Variants in SVIL observed in about 807,000 individuals in gnomAD.
The protein encoded by SVIL is archvillin.
In SVIL, 101 loss-of-function variants were observed where a neutral mutation model predicts 240.4. The observed-to-expected ratio is 0.42, with a 90% confidence interval of 0.36 to 0.50. SVIL has a LOEUF of 0.50. SVIL is among the 20% of genes least tolerant of loss of function. The pLI is 0.01. For missense variants in SVIL, 2,512 were observed against 2,818.7 expected, an observed-to-expected ratio of 0.89 and a Z score of 2.46; for synonymous variants, 999 against 1,100.0, an observed-to-expected ratio of 0.91 and a Z score of 1.82.
At chr10:29,565,560 A>G (rs1954901654) in intron 2 of SVIL, among the ~76,000 whole-genome samples, 1 of 152,070 alleles carries the variant, frequency 6.6e-6, no homozygotes, top group Admixed American at 6.6e-5. Flanking sequence ...TTGACTGGTC[A>G]TGTCCTCAGG....
intron 26 of SVIL, among the ~76,000 whole-genome samples, chr10:29,485,708 C>T (rs1400229173): frequency 6.6e-6 from 1 of 152,176 alleles, no homozygotes; most frequent in Non-Finnish European, 1.5e-5. Context: ...AAAAACAGCA[C>T]ATTAATTGGG....
intron 1 of SVIL, among the ~76,000 whole-genome samples, chr10:29,619,882 A>T (rs1156919141): frequency 6.6e-6 from 1 of 152,186 alleles, no homozygotes. Context: ...CATTTTTTTT[A>T]AATGTGGATT....
At position 29,554,945 on chromosome 10, in the gene SVIL, C is replaced by T. The variant is rs183062149; in HGVS notation, c.9-11G>A. The T allele has an allele frequency of 9.5e-5, 153 of 1,610,616 alleles. 2 individuals carry two copies. The East Asian group carries it at 3.3e-3, about 35-fold the overall frequency. On this transcript the variant is annotated splice_polypyrimidine_tract_variant and intron_variant, in intron 4 of 37. Transcript: ENST00000355867. ...GCAATTCTTTCTTTTCTGTGAAATA[C>T]ACCACAAGAGGCAGAGTGAGCAACA...
chr10:29,500,541 G>T lies in SVIL; in HGVS notation c.3517-1278C>A, dbSNP rs1023813286. ...CTTGAACCCGAGGAAGGCTGCTGCT[G>T]CTAGCGCATCCGCTTTCAAACTACA... On this transcript the variant is annotated intron_variant, in intron 17 of 37. Coordinates refer to ENST00000355867, the MANE Select transcript of SVIL (RefSeq NM_021738.3). Among the ~76,000 whole-genome samples, 74 of 152,168 alleles carry T rather than the reference G, an allele frequency of 4.9e-4. 2 individuals are homozygous for T. Among genetic ancestry groups the T allele is most frequent in the Non-Finnish European group, 1.5e-5 (1 of 68,030 alleles).
At chr10:29,723,883 CAA>C (rs1964130116) in intron 1 of SVIL, among the ~76,000 whole-genome samples, 1 of 152,006 alleles carries the variant, frequency 6.6e-6, no homozygotes, top group Non-Finnish European at 1.5e-5. Flanking sequence ...GGCAACCAAA[CAA>C]GATAAAAAGT....
chr10:29,519,070 C>T (rs570427093), intron 16 of SVIL, among the ~76,000 whole-genome samples: 1 of 152,148 alleles, frequency 6.6e-6, no homozygotes, highest in African/African-American at 2.4e-5. Flanking sequence ...CTGCAAATTC[C>T]AGACTCTATT....
chr10:29,473,440 C>T, intron 30 of SVIL: 1 of 220,150 alleles, frequency 4.5e-6, no homozygotes, highest in Non-Finnish European at 8.9e-6. Flanking sequence ...CATCCTCATC[C>T]TACCGAGGCC....
intron 3 of SVIL, among the ~76,000 whole-genome samples, chr10:29,646,557 G>A (rs1958664875): frequency 6.6e-6 from 1 of 152,206 alleles, no homozygotes; most frequent in Non-Finnish European, 1.5e-5. Context: ...AAGTGGGCAA[G>A]TTCAGTCCTT....
At chr10:29,556,673 T>G (rs188830670) in intron 3 of SVIL, among the ~76,000 whole-genome samples, 550 of 152,260 alleles carry the variant, frequency 3.6e-3, no homozygotes, top group African/African-American at 0.012. Flanking sequence ...GAGAAGTCCT[T>G]GTTCTAATCA....
At chr10:29,491,988 T>C (rs1434441925) in intron 21 of SVIL, among the ~76,000 whole-genome samples, 1 of 152,222 alleles carries the variant, frequency 6.6e-6, no homozygotes. Context: ...AAAGAATTTA[T>C]CAGGAGCAGC....
rs1482855220 is a variant in SVIL at position 29,571,172 on chromosome 10, C to T, written c.-200-1860G>A. On this transcript the variant is annotated intron_variant, in intron 1 of 37. Coordinates refer to ENST00000355867, the MANE Select transcript of SVIL (RefSeq NM_021738.3). ...CGACCAGGCACTTGTATCTTTGTGC[C>T]TATGGTACAGGAGAAGCAAGAGGCC... is the stretch of plus-strand genomic sequence containing the variant. Among the ~76,000 whole-genome samples, 6 of 152,150 alleles carry T rather than the reference C, an allele frequency of 3.9e-5. No individual in the cohort carries two copies. The East Asian group carries it at 1.2e-3, about 29-fold the overall frequency.
chr10:29,480,458 G>T, intron 29 of SVIL, 79 bp downstream of exon 29: 2 of 1,558,512 alleles, frequency 1.3e-6, no homozygotes, highest in Non-Finnish European at 1.7e-6. Context: ...GCATGACAGG[G>T]TTCATTGGAG....
chr10:29,679,012 C>T (rs1960418028), intron 2 of SVIL, among the ~76,000 whole-genome samples: 1 of 152,160 alleles, frequency 6.6e-6, no homozygotes. Context: ...TCGAGACCAG[C>T]CTGGCCAATA....
chr10:29,480,523 A>G lies in SVIL; in HGVS notation c.5377+14T>C. 3 of 1,609,124 alleles carry G rather than the reference A, an allele frequency of 1.9e-6. No individual in the cohort carries two copies. Among genetic ancestry groups the G allele is most frequent in the Non-Finnish European group, 1.7e-6 (2 of 1,177,220 alleles). On this transcript the variant is annotated intron_variant, in intron 29 of 37. Transcript: ENST00000355867. ...GCCTCTTTCAGCTGGAAAAAACCAC[A>G]AGCGCTCACTAACCTGCCGTGCTCA... is the stretch of plus-strand genomic sequence containing the variant.
upstream of SVIL, among the ~76,000 whole-genome samples, chr10:29,635,432 C>G (rs1378072139): frequency 6.6e-6 from 1 of 152,186 alleles, no homozygotes; most frequent in Non-Finnish European, 1.5e-5. Flanking sequence ...TTTCTTCCCA[C>G]TTCCAATAAC....
chr10:29,570,816 T>C (rs747935375), intron 1 of SVIL, among the ~76,000 whole-genome samples: 19 of 152,252 alleles, frequency 1.2e-4, no homozygotes, highest in Non-Finnish European at 2.2e-4. Context: ...TAAGCTCATT[T>C]ATAAACTCAA....
rs186197149 is a variant in SVIL at position 29,499,817 on chromosome 10, C to T, written c.3517-554G>A. On this transcript the variant is annotated intron_variant, in intron 17 of 37. Transcript: ENST00000355867. ...CCTGCAGCCACTGATGTTCTGCGGG[C>T]AGGTAGACAACCAGGAGAGCCCACA... Among the ~76,000 whole-genome samples the T allele has an allele frequency of 3.0e-3, 458 of 152,328 alleles. 5 individuals carry two copies. In the South Asian group the frequency reaches 0.044, roughly 15 times the overall value.
At chr10:29,564,327 T>C (rs1387871292) in intron 2 of SVIL, among the ~76,000 whole-genome samples, 4 of 152,172 alleles carry the variant, frequency 2.6e-5, no homozygotes, top group Non-Finnish European at 4.4e-5. Context: ...CCTAGTTTCA[T>C]ACTAGCCACA....
Position 29,649,638 on chromosome 10 carries a change from T to C in SVIL, c.-201+8331A>G, listed in dbSNP as rs113342120. ...AAGCTCAAATATAACTTCAAACAATTGACTTACCAAAATATGCAAGTGCAT... is the reference window on the plus strand; with the variant it reads ...AAGCTCAAATATAACTTCAAACAATCGACTTACCAAAATATGCAAGTGCAT... On this transcript the variant is annotated intron_variant, in intron 3 of 35. Transcript: ENST00000375400. 1.9e-3 allele frequency among the ~76,000 whole-genome samples: 292 copies of C among 152,206 alleles called. 1 individual carries two copies. Among genetic ancestry groups the C allele is most frequent in the African/African-American group, 6.6e-3 (276 of 41,516 alleles).
Sources: allele counts gnomAD v4.1 joint callset (sites outside exome capture counted in the v4.1 genomes callset), GRCh38; gene constraint gnomAD v4.1.1; transcripts MANE v1.5; gene names NCBI Gene and HGNC (gene_info 2026-07-23, HGNC 2026-07-21).